The following PDE8B variants were observed in gnomAD, a reference collection of about 807,000 sequenced individuals.
The protein encoded by PDE8B is phosphodiesterase 8B.
In PDE8B, 26 loss-of-function variants were observed where a neutral mutation model predicts 101.3. The ratio of observed to expected loss-of-function variants is 0.26; its 90% CI spans 0.19 to 0.36. The LOEUF (loss-of-function observed/expected upper bound fraction) is 0.36. PDE8B is among the 10% of genes least tolerant of loss of function. PDE8B has a pLI of 1.00. For missense variants in PDE8B, 810 were observed against 1,163.1 expected, an observed-to-expected ratio of 0.70 and a Z score of 4.42; for synonymous variants, 424 against 429.3, an observed-to-expected ratio of 0.99 and a Z score of 0.15.
intron 1 of PDE8B, among the ~76,000 whole-genome samples, chr5:77,256,497 A>G (rs1403826907): frequency 1.3e-5 from 2 of 152,218 alleles, no homozygotes; most frequent in African/African-American, 4.8e-5. Flanking sequence ...TCAGTCACGC[A>G]TCTTGTAATG....
intron 1 of PDE8B, among the ~76,000 whole-genome samples, chr5:77,287,387 T>A (rs368192707): frequency 2.6e-5 from 4 of 152,140 alleles, no homozygotes; most frequent in Non-Finnish European, 5.9e-5. Flanking sequence ...GTTTTTCACC[T>A]ATATTTTGCT....
chr5:77,245,624 G>A (rs1756695262), intron 1 of PDE8B, among the ~76,000 whole-genome samples: 1 of 152,110 alleles, frequency 6.6e-6, no homozygotes, highest in Non-Finnish European at 1.5e-5. Context: ...AGCAGCTTGT[G>A]TGTGTGTGCA....
At chr5:77,097,134 A>G in the PDE8B span, among the ~76,000 whole-genome samples, 1 of 152,192 alleles carries the variant, frequency 6.6e-6, no homozygotes, top group Non-Finnish European at 1.5e-5. Context: ...GAAGACAGAA[A>G]GGAAGGGAAG....
chr5:77,150,803 T>G, the PDE8B span, among the ~76,000 whole-genome samples: 63 of 152,210 alleles, frequency 4.1e-4, no homozygotes, highest in Middle Eastern at 0.01. Flanking sequence ...CCAGAGGCAA[T>G]GAGAACTACC....
chr5:77,354,066 C>G (rs1470438430), intron 10 of PDE8B, among the ~76,000 whole-genome samples: 2 of 152,132 alleles, frequency 1.3e-5, no homozygotes, highest in East Asian at 3.8e-4. Context: ...AAACTTACAA[C>G]ATGTGGTCTT....
chr5:77,424,177 CA>C (rs1376508922), intron 20 of PDE8B, among the ~76,000 whole-genome samples: 1 of 152,156 alleles, frequency 6.6e-6, no homozygotes, highest in Non-Finnish European at 1.5e-5. Flanking sequence ...CTGAAATGAG[CA>C]AGCCAAGCCA....
intron 1 of PDE8B, among the ~76,000 whole-genome samples, chr5:77,256,828 A>G (rs536633835): frequency 4.6e-5 from 7 of 152,326 alleles, no homozygotes; most frequent in East Asian, 1.9e-4. Flanking sequence ...GAGTTGAAGC[A>G]TATAGATTTT....
chr5:77,216,022 A>G (rs973930583), intron 1 of PDE8B, among the ~76,000 whole-genome samples: 1 of 152,110 alleles, frequency 6.6e-6, no homozygotes, highest in Non-Finnish European at 1.5e-5. Context: ...AACTTTGTGA[A>G]CCCAGCACCA....
Position 77,353,355 on chromosome 5 carries a change from G to T in PDE8B, c.1116G>T (p.Arg372Ser), listed in dbSNP as rs1275541565. ...GATTATTTGTTATTAGGAAAATTAG[G>T]CATTTTGTCTCGCTCAAGAAACTGT... Reference protein sequence around the residue: ...TPVIGQGGKIRHFVSLKKLCC... With the variant: ...TPVIGQGGKISHFVSLKKLCC... Residue 372 changes from arginine to serine, a missense_variant, in exon 10 of 22, where the codon AGG (arginine) becomes AGT (serine). Arg to Ser is a moderately radical substitution (Grantham distance 110). Coordinates refer to ENST00000264917, the MANE Select transcript of PDE8B (RefSeq NM_003719.5). 2 of 1,570,556 alleles carry T rather than the reference G, an allele frequency of 1.3e-6. No individual in the cohort carries two copies. Among genetic ancestry groups the T allele is most frequent in the Non-Finnish European group, 8.8e-7 (1 of 1,140,472 alleles).
intron 1 of PDE8B, among the ~76,000 whole-genome samples, chr5:77,268,220 A>T (rs1054539278): frequency 7.2e-5 from 11 of 151,940 alleles, no homozygotes; most frequent in East Asian, 1.9e-4. Flanking sequence ...TTTGTTTTAA[A>T]TTTTTAATTT....
intron 1 of PDE8B, among the ~76,000 whole-genome samples, chr5:77,308,604 C>T (rs6453297): frequency 0.82 from 124,362 of 152,148 alleles, 51,116 homozygotes; most frequent in East Asian, 0.97. Flanking sequence ...GAGAGAAAGT[C>T]GTAGGGTCTT....
At chr5:77,235,374 T>A (rs1754448797) in intron 1 of PDE8B, among the ~76,000 whole-genome samples, 1 of 152,218 alleles carries the variant, frequency 6.6e-6, no homozygotes, top group Non-Finnish European at 1.5e-5. Flanking sequence ...TTGCCTCCAT[T>A]TGCTGTGTAT....
chr5:77,200,020 C>T, the PDE8B span, among the ~76,000 whole-genome samples: 2 of 147,526 alleles, frequency 1.4e-5, no homozygotes, highest in African/African-American at 5.0e-5. Context: ...GGTTTAAACT[C>T]TATATAGTAA....
intron 2 of PDE8B, among the ~76,000 whole-genome samples, chr5:77,320,903 T>C (rs1774897160): frequency 6.6e-6 from 1 of 152,210 alleles, no homozygotes; most frequent in South Asian, 2.1e-4. Flanking sequence ...ATATTAAAGC[T>C]GAAGAGGGAA....
At chr5:77,149,633 T>C in the PDE8B span, among the ~76,000 whole-genome samples, 1 of 152,246 alleles carries the variant, frequency 6.6e-6, no homozygotes, top group South Asian at 2.1e-4. Flanking sequence ...TAGAATTTTT[T>C]TAATTTTATT....
intron 10 of PDE8B, among the ~76,000 whole-genome samples, chr5:77,365,919 C>T (rs888081874): frequency 2.0e-5 from 3 of 152,212 alleles, no homozygotes; most frequent in Non-Finnish European, 4.4e-5. Context: ...TGGCTTCAGG[C>T]ACCGAAGCTC....
chr5:77,264,379 C>A (rs1168866427), intron 1 of PDE8B, among the ~76,000 whole-genome samples: 2 of 152,202 alleles, frequency 1.3e-5, no homozygotes, highest in Non-Finnish European at 2.9e-5. Context: ...ATATTCCCAT[C>A]AACAATATAT....
chr5:77,375,414 C>T (rs1785872239), intron 10 of PDE8B, among the ~76,000 whole-genome samples: 2 of 152,170 alleles, frequency 1.3e-5, no homozygotes, highest in Admixed American at 1.3e-4. Context: ...TATTTAAATT[C>T]CTGCTTTCAG....
intron 1 of PDE8B, among the ~76,000 whole-genome samples, chr5:77,238,486 C>T (rs545974484): frequency 6.6e-6 from 1 of 152,236 alleles, no homozygotes; most frequent in South Asian, 2.1e-4. Context: ...TTAACTCTTG[C>T]TTATTGGAAT....
Sources: allele counts gnomAD v4.1 joint callset (sites outside exome capture counted in the v4.1 genomes callset), GRCh38; gene constraint gnomAD v4.1.1; transcripts MANE v1.5; gene names NCBI Gene and HGNC (gene_info 2026-07-23, HGNC 2026-07-21).